The following EYA2 variants were observed in gnomAD, a reference collection of about 807,000 sequenced individuals.
EYA2 encodes protein phosphatase EYA2.
EYA2 carries 31 observed loss-of-function variants against 69.2 expected under a neutral mutation model. That is an observed-to-expected ratio of 0.45 (90% confidence interval 0.34 to 0.60). The LOEUF (loss-of-function observed/expected upper bound fraction) is 0.60. Among genes scored for constraint, EYA2 ranks in the 20% least tolerant of loss-of-function variants. The probability of loss-of-function intolerance (pLI) is 0.02; values close to 1 mark genes in which losing one functional copy is unlikely to be tolerated. For synonymous variants in EYA2, 257 were observed against 279.4 expected (o/e 0.92, Z 0.80); for missense variants, 622 against 701.2 (o/e 0.89, Z 1.28).
intron 8 of EYA2, among the ~76,000 whole-genome samples, chr20:47,093,748 A>G (rs969367139): frequency 7.2e-5 from 11 of 152,220 alleles, no homozygotes; most frequent in African/African-American, 2.7e-4. Context: ...GGGCAATTAT[A>G]TCTTCTAAAG....
At chr20:46,895,759 C>G (rs192530109) in intron 1 of EYA2, among the ~76,000 whole-genome samples, 4 of 152,220 alleles carry the variant, frequency 2.6e-5, no homozygotes, top group East Asian at 1.9e-4. Context: ...CTGCCTCCCC[C>G]CCAGCAATAA....
At chr20:47,004,505 T>C (rs1189174401) in intron 3 of EYA2, among the ~76,000 whole-genome samples, 1 of 152,012 alleles carries the variant, frequency 6.6e-6, no homozygotes, top group Non-Finnish European at 1.5e-5. Context: ...TAAAGTCCAG[T>C]GTGGATGGGG....
chr20:46,900,527 G>GT (rs1984050178), intron 1 of EYA2, among the ~76,000 whole-genome samples: 2 of 152,182 alleles, frequency 1.3e-5, no homozygotes, highest in Non-Finnish European at 1.5e-5. Context: ...GAAAATTACA[G>GT]CAAGAAGCTA....
intron 9 of EYA2, among the ~76,000 whole-genome samples, chr20:47,100,901 C>T (rs529708101): frequency 1.2e-4 from 19 of 152,340 alleles, no homozygotes; most frequent in African/African-American, 4.3e-4. Flanking sequence ...AACTGCTGTG[C>T]AGCACCAGAG....
At chr20:47,176,982 G>A (rs1446336980) in intron 12 of EYA2, among the ~76,000 whole-genome samples, 4 of 152,064 alleles carry the variant, frequency 2.6e-5, no homozygotes, top group Non-Finnish European at 5.9e-5. Flanking sequence ...AGTAGAGATA[G>A]AGACGGGATT....
At chr20:46,987,459 C>A (rs1318676605) in intron 1 of EYA2, among the ~76,000 whole-genome samples, 1 of 152,126 alleles carries the variant, frequency 6.6e-6, no homozygotes, top group African/African-American at 2.4e-5. Context: ...TAGTCTGAGC[C>A]CCCCAGGTGC....
chr20:47,161,260 G>A (rs548341239), intron 10 of EYA2: 38 of 536,456 alleles, frequency 7.1e-5, no homozygotes, highest in South Asian at 6.0e-4. Flanking sequence ...GCTAGCCCAG[G>A]ATGATGGCCC....
chr20:47,138,272 C>T (rs1237520117), intron 9 of EYA2, among the ~76,000 whole-genome samples: 2 of 152,050 alleles, frequency 1.3e-5, no homozygotes, highest in South Asian at 2.1e-4. Flanking sequence ...TAGTTTTTAT[C>T]GTGTTTTTTG....
At chr20:46,951,368 G>A (rs780003816) in intron 1 of EYA2, among the ~76,000 whole-genome samples, 9 of 152,090 alleles carry the variant, frequency 5.9e-5, no homozygotes, top group Non-Finnish European at 1.0e-4. Flanking sequence ...TTATCCTAGC[G>A]TCTGTGCCCC....
intron 9 of EYA2, among the ~76,000 whole-genome samples, chr20:47,116,587 C>T (rs2032901126): frequency 6.6e-6 from 1 of 152,230 alleles, no homozygotes. Context: ...GTGACGATGT[C>T]CCTCTGCAGG....
At chr20:47,151,185 A>G (rs1568810540) in intron 10 of EYA2, among the ~76,000 whole-genome samples, 1 of 151,992 alleles carries the variant, frequency 6.6e-6, no homozygotes, top group South Asian at 2.1e-4. Context: ...AGCCTGGCCA[A>G]CATGGCAAAA....
At chr20:46,941,348 G>T (rs1378301303) in intron 1 of EYA2, among the ~76,000 whole-genome samples, 2 of 152,230 alleles carry the variant, frequency 1.3e-5, no homozygotes, top group Non-Finnish European at 2.9e-5. Context: ...TCCACCGGAA[G>T]TAGAACGAAA....
chr20:47,007,025 G>A (rs1982761522), intron 4 of EYA2, among the ~76,000 whole-genome samples: 1 of 152,152 alleles, frequency 6.6e-6, no homozygotes, highest in Non-Finnish European at 1.5e-5. Flanking sequence ...AACATCACAG[G>A]CTCAAGTGAT....
At chr20:47,119,272 G>T (rs144524671) in intron 9 of EYA2, among the ~76,000 whole-genome samples, 10 of 152,308 alleles carry the variant, frequency 6.6e-5, no homozygotes, top group Non-Finnish European at 1.3e-4. Flanking sequence ...ACTTTGACAG[G>T]GAAATAGGAG....
intron 2 of EYA2, among the ~76,000 whole-genome samples, chr20:46,991,186 C>T (rs984928236): frequency 2.0e-5 from 3 of 152,216 alleles, no homozygotes; most frequent in Non-Finnish European, 2.9e-5. Flanking sequence ...TCATCATTTT[C>T]TTTCCAAATA....
intron 5 of EYA2, among the ~76,000 whole-genome samples, chr20:47,029,048 A>C (rs961423310): frequency 6.6e-6 from 1 of 152,272 alleles, no homozygotes; most frequent in Non-Finnish European, 1.5e-5. Flanking sequence ...AAGCCAAAGC[A>C]CATGTACAGA....
intron 2 of EYA2, among the ~76,000 whole-genome samples, chr20:46,992,820 G>A (rs1889143): frequency 0.24 from 36,979 of 152,108 alleles, 4,685 homozygotes; most frequent in South Asian, 0.28. Context: ...TTCTCATGGG[G>A]CAGGTGGTGA....
chr20:47,118,975 G>T (rs73624604), intron 9 of EYA2, among the ~76,000 whole-genome samples: 4,363 of 152,250 alleles, frequency 0.029, 186 homozygotes, highest in East Asian at 0.15. Context: ...TGTCAGCTGG[G>T]TTGGAGTAAG....
intron 5 of EYA2, among the ~76,000 whole-genome samples, chr20:47,030,198 TG>T (rs1039679402): frequency 1.3e-5 from 2 of 152,206 alleles, no homozygotes; most frequent in African/African-American, 2.4e-5. Context: ...GAAAGTCAGG[TG>T]GGACCTGGGA....
Sources: gnomAD v4.1 joint callset for allele counts (sites outside exome capture counted in the v4.1 genomes callset) on GRCh38, gnomAD v4.1.1 for gene constraint, MANE v1.5 for transcripts, NCBI Gene and HGNC (gene_info 2026-07-23, HGNC 2026-07-21) for gene names.